The following B3GALT1 variants were observed in gnomAD, a reference collection of about 807,000 sequenced individuals.
B3GALT1 encodes UDP-Gal:betaGlcNAc beta 1,3-galactosyltransferase, polypeptide 1.
In B3GALT1, 10 loss-of-function variants were observed where a neutral mutation model predicts 23.2. The observed-to-expected ratio is 0.43, with a 90% confidence interval of 0.27 to 0.73. The LOEUF is 0.73. B3GALT1 is among the 30% of genes least tolerant of loss of function. The pLI, the probability that B3GALT1 is intolerant of heterozygous loss-of-function variation, is 0.21. For missense variants in B3GALT1, 299 were observed against 405.4 expected (o/e 0.74, Z 2.25); for synonymous variants, 156 against 141.5 (o/e 1.10, Z -0.73).
Position 167,774,781 on chromosome 2 carries a change from C to T in B3GALT1, c.-351-43891C>T, listed in dbSNP as rs548019697. On this transcript the variant is annotated intron_variant, in intron 3 of 4. Coordinates refer to ENST00000392690, the MANE Select transcript of B3GALT1 (RefSeq NM_020981.4). Reference sequence around the variant, plus strand: ...AAAGTGCTGGGATTACAGGCGTGAGCCACCACGCCCGGCCTCTATGTTTAT... The same window carrying T: ...AAAGTGCTGGGATTACAGGCGTGAGTCACCACGCCCGGCCTCTATGTTTAT... Among the ~76,000 whole-genome samples the T allele has an allele frequency of 2.6e-4, 39 of 151,976 alleles. No homozygotes were observed. The South Asian group carries it at 8.1e-3, about 32-fold the overall frequency.
intron 1 of B3GALT1, among the ~76,000 whole-genome samples, chr2:167,468,035 A>T (rs1327419440): frequency 6.6e-6 from 1 of 152,116 alleles, no homozygotes; most frequent in Non-Finnish European, 1.5e-5. Context: ...GTGGAAAAGG[A>T]TGGGTAGTGA....
chr2:167,833,346 G>A (rs1321627689), intron 4 of B3GALT1, among the ~76,000 whole-genome samples: 3 of 152,184 alleles, frequency 2.0e-5, no homozygotes, highest in African/African-American at 7.2e-5. Context: ...ATCTCCTGCA[G>A]AGGTTATGAA....
Position 167,399,273 on chromosome 2 carries a change from A to G in B3GALT1, c.-510-90904A>G, listed in dbSNP as rs73021767. 8.2e-3 allele frequency among the ~76,000 whole-genome samples: 1,250 copies of G among 152,262 alleles called. 24 individuals carry two copies. Among genetic ancestry groups the G allele is most frequent in the African/African-American group, 0.029 (1,189 of 41,558 alleles). Reference sequence around the variant, plus strand: ...GAAAACATCTTCAAAACATGTGTCAAGTTTCCCTTAGAATGCATGCACTGT... The same window carrying G: ...GAAAACATCTTCAAAACATGTGTCAGGTTTCCCTTAGAATGCATGCACTGT... On this transcript the variant is annotated intron_variant, in intron 1 of 4. Transcript: ENST00000392690.
At chr2:167,421,020 G>A (rs1457562000) in intron 1 of B3GALT1, among the ~76,000 whole-genome samples, 1 of 152,142 alleles carries the variant, frequency 6.6e-6, no homozygotes, top group Non-Finnish European at 1.5e-5. Context: ...TGAAATAACA[G>A]TCATTCACTA....
chr2:167,441,555 A>T (rs1698894118), intron 1 of B3GALT1, among the ~76,000 whole-genome samples: 1 of 152,186 alleles, frequency 6.6e-6, no homozygotes, highest in Admixed American at 6.5e-5. Flanking sequence ...TACTCGTGTT[A>T]TCTTCCAGAA....
At chr2:167,552,840 A>T (rs1429787869) in intron 2 of B3GALT1, among the ~76,000 whole-genome samples, 1 of 152,108 alleles carries the variant, frequency 6.6e-6, no homozygotes, top group Non-Finnish European at 1.5e-5. Flanking sequence ...TCCAAACAAG[A>T]TATTCTCTTT....
intron 2 of B3GALT1, among the ~76,000 whole-genome samples, chr2:167,644,568 C>T (rs1401196043): frequency 6.6e-6 from 1 of 151,920 alleles, no homozygotes; most frequent in Non-Finnish European, 1.5e-5. Flanking sequence ...ATCACGAGGT[C>T]AGGAGATCGA....
rs375271361 is a variant in B3GALT1 at position 167,438,458 on chromosome 2, G to T, written c.-510-51719G>T. 2.5e-4 allele frequency among the ~76,000 whole-genome samples: 38 copies of T among 152,330 alleles called. No homozygotes were observed. The East Asian group carries it at 3.9e-3, about 15-fold the overall frequency. ...TTTTAAAGAACGCATGTTCCCTGTG[G>T]ATATATGCAGAGAGAGAATTACTTA... On this transcript the variant is annotated intron_variant, in intron 1 of 4. Coordinates refer to ENST00000392690, the MANE Select transcript of B3GALT1 (RefSeq NM_020981.4).
intron 4 of B3GALT1, among the ~76,000 whole-genome samples, chr2:167,824,295 T>G (rs1378158981): frequency 6.6e-6 from 1 of 152,200 alleles, no homozygotes; most frequent in Non-Finnish European, 1.5e-5. Context: ...AGGATCAGAC[T>G]TAGTTTTTAG....
intron 2 of B3GALT1, among the ~76,000 whole-genome samples, chr2:167,576,008 A>G (rs1684374812): frequency 1.3e-5 from 2 of 151,750 alleles, no homozygotes; most frequent in African/African-American, 2.4e-5. Context: ...AAAACCCATA[A>G]ATAAAAATCC....
intron 3 of B3GALT1, among the ~76,000 whole-genome samples, chr2:167,778,496 A>G (rs1688199166): frequency 6.6e-6 from 1 of 152,220 alleles, no homozygotes; most frequent in Non-Finnish European, 1.5e-5. Flanking sequence ...TAGAAATGCA[A>G]AGCCAAGTTG....
At chr2:167,824,725 C>T (rs1161846620) in intron 4 of B3GALT1, among the ~76,000 whole-genome samples, 2 of 152,122 alleles carry the variant, frequency 1.3e-5, no homozygotes, top group African/African-American at 4.8e-5. Context: ...GGACAGGTCC[C>T]CAAGCAGCTG....
chr2:167,622,030 G>A (rs1279997213), intron 2 of B3GALT1, among the ~76,000 whole-genome samples: 1 of 152,078 alleles, frequency 6.6e-6, no homozygotes, highest in Non-Finnish European at 1.5e-5. Context: ...ATATACATCA[G>A]CAGAGACATA....
rs146975023 is a variant in B3GALT1 at position 167,736,180 on chromosome 2, A to G, written c.-351-82492A>G. ...TCCCAAATCCATGTTTTTTCACTAT[A>G]TAACCATGTCTCTTGAGATATTCAA... On this transcript the variant is annotated intron_variant, in intron 3 of 4. Coordinates refer to ENST00000392690, the MANE Select transcript of B3GALT1 (RefSeq NM_020981.4). Among the ~76,000 whole-genome samples, 81 of 152,326 alleles carry G rather than the reference A, an allele frequency of 5.3e-4. 1 individual carries two copies. In the East Asian group the frequency reaches 0.014, roughly 26 times the overall value.
At chr2:167,545,648 C>T (rs985530631) in intron 2 of B3GALT1, among the ~76,000 whole-genome samples, 1 of 152,138 alleles carries the variant, frequency 6.6e-6, no homozygotes. Flanking sequence ...TCACTTCAGA[C>T]ACCAGCCACA....
intron 2 of B3GALT1, among the ~76,000 whole-genome samples, chr2:167,492,314 T>C (rs1403551850): frequency 6.6e-6 from 1 of 152,216 alleles, no homozygotes; most frequent in Non-Finnish European, 1.5e-5. Flanking sequence ...GCTTAATAGC[T>C]CATTTCTTTT....
At chr2:167,668,157 C>T (rs558957482) in intron 3 of B3GALT1, among the ~76,000 whole-genome samples, 136 of 152,082 alleles carry the variant, frequency 8.9e-4, no homozygotes, top group African/African-American at 3.1e-3. Flanking sequence ...TGTTAGTTTT[C>T]CTTCTAACAG....
intron 3 of B3GALT1, among the ~76,000 whole-genome samples, chr2:167,790,511 C>T (rs894758054): frequency 2.0e-5 from 3 of 152,208 alleles, no homozygotes; most frequent in Non-Finnish European, 4.4e-5. Context: ...ATCCTACTCT[C>T]GACACACAAC....
intron 4 of B3GALT1, among the ~76,000 whole-genome samples, chr2:167,827,180 A>G (rs4667985): frequency 0.1 from 15,294 of 152,154 alleles, 1,082 homozygotes; most frequent in East Asian, 0.24. Flanking sequence ...CTCACAAGCT[A>G]TTTCATCTAC....
Sources: allele counts gnomAD v4.1 joint callset (sites outside exome capture counted in the v4.1 genomes callset), GRCh38; gene constraint gnomAD v4.1.1; transcripts MANE v1.5; gene names NCBI Gene and HGNC (gene_info 2026-07-23, HGNC 2026-07-21).